LRCH1: variants seen among roughly 807,000 people sequenced by gnomAD.
The protein encoded by LRCH1 is leucine rich repeats and calponin homology domain containing 1.
Under a neutral mutation model 94.9 loss-of-function variants are expected in LRCH1, and 23 were observed. The observed-to-expected ratio is 0.24, with a 90% CI of 0.17 to 0.34. The LOEUF (loss-of-function observed/expected upper bound fraction) is 0.34, where lower values mean the gene tolerates loss of function less well. Among genes scored for constraint, LRCH1 ranks in the 10% least tolerant of loss-of-function variants. The probability of loss-of-function intolerance (pLI) is 1.00; values close to 1 mark genes in which losing one functional copy is unlikely to be tolerated. For missense variants in LRCH1, 790 were observed against 945.9 expected (o/e 0.84, Z 2.16); for synonymous variants, 364 against 354.9 (o/e 1.03, Z -0.29).
intron 10 of LRCH1, among the ~76,000 whole-genome samples, chr13:46,699,993 A>G (rs912479812): frequency 6.6e-6 from 1 of 152,202 alleles, no homozygotes; most frequent in African/African-American, 2.4e-5. Flanking sequence ...TCTTGCCGCA[A>G]GGTCACAGAG....
At chr13:46,596,614 T>A (rs2050566220) in intron 1 of LRCH1, among the ~76,000 whole-genome samples, 1 of 152,204 alleles carries the variant, frequency 6.6e-6, no homozygotes, top group Non-Finnish European at 1.5e-5. Flanking sequence ...GTCAGTGAAT[T>A]CTAACTTGAA....
chr13:46,688,432 T>C (rs1476316132), intron 6 of LRCH1, among the ~76,000 whole-genome samples: 1 of 152,198 alleles, frequency 6.6e-6, no homozygotes, highest in Non-Finnish European at 1.5e-5. Context: ...AAAAATGCAG[T>C]ATGTGTAGTT....
chr13:46,686,161 A>C, intron 5 of LRCH1, 120 bp downstream of exon 5: 1 of 1,044,950 alleles, frequency 9.6e-7, no homozygotes, highest in African/African-American at 1.6e-5. Flanking sequence ...GGCAAGCGGC[A>C]GATTAATTGG....
chr13:46,640,129 T>C (rs2051140673), intron 1 of LRCH1, among the ~76,000 whole-genome samples: 1 of 152,238 alleles, frequency 6.6e-6, no homozygotes, highest in Non-Finnish European at 1.5e-5. Flanking sequence ...TGACTACTAA[T>C]TTAGTGGAAA....
chr13:46,603,803 C>T (rs1201120120), intron 1 of LRCH1, among the ~76,000 whole-genome samples: 4 of 152,014 alleles, frequency 2.6e-5, no homozygotes, highest in South Asian at 2.1e-4. Flanking sequence ...ACTATAGGCT[C>T]GTGCCACCAT....
At chr13:46,712,942 G>A (rs1008844239) in intron 15 of LRCH1, among the ~76,000 whole-genome samples, 3 of 152,114 alleles carry the variant, frequency 2.0e-5, no homozygotes, top group Non-Finnish European at 2.9e-5. Context: ...CTGAGTTAAG[G>A]GGCAGCCTGC....
chr13:46,617,533 C>T (rs913367513), intron 1 of LRCH1, among the ~76,000 whole-genome samples: 5 of 152,202 alleles, frequency 3.3e-5, no homozygotes, highest in African/African-American at 1.2e-4. Flanking sequence ...CTAAGACACC[C>T]GGCCCCTGCC....
intron 19 of LRCH1, 37 bp from the exon 20 acceptor site, chr13:46,741,605 C>T (rs781742472): frequency 1.2e-6 from 2 of 1,612,914 alleles, no homozygotes; most frequent in Non-Finnish European, 1.7e-6. Flanking sequence ...ATTGTATGCA[C>T]TGTCTCTTTC....
At chr13:46,640,299 T>C (rs1252445418) in intron 1 of LRCH1, among the ~76,000 whole-genome samples, 2 of 152,246 alleles carry the variant, frequency 1.3e-5, no homozygotes, top group Admixed American at 6.5e-5. Context: ...AAGGGCTTTA[T>C]ATGTATCATC....
intron 5 of LRCH1, 100 bp downstream of exon 5, chr13:46,686,141 A>G: frequency 1.7e-6 from 2 of 1,211,690 alleles, no homozygotes; most frequent in Admixed American, 3.1e-5. Context: ...GCTGAAAATC[A>G]CTAATCACTG....
chr13:46,625,631 GGT>G (rs1491438587), intron 1 of LRCH1, among the ~76,000 whole-genome samples: 3 of 126,260 alleles, frequency 2.4e-5, no homozygotes, highest in Non-Finnish European at 3.3e-5. Flanking sequence ...AAATGTGTGG[GGT>G]TTTTTTTTTT....
chr13:46,680,199 T>C (rs2051732928), intron 3 of LRCH1: 1 of 152,280 alleles, frequency 6.6e-6, no homozygotes, highest in Non-Finnish European at 1.5e-5. Flanking sequence ...TGGAGCATCC[T>C]GGGTCCTAGG....
chr13:46,704,906 C>G (rs1871670436), intron 11 of LRCH1, among the ~76,000 whole-genome samples, 162 bp from the exon 12 acceptor site: 1 of 151,976 alleles, frequency 6.6e-6, no homozygotes, highest in Non-Finnish European at 1.5e-5. Context: ...TGGGAAAATA[C>G]CATGCACTTT....
intron 10 of LRCH1, among the ~76,000 whole-genome samples, chr13:46,700,311 A>C (rs1443535847): frequency 6.6e-6 from 1 of 152,164 alleles, no homozygotes; most frequent in Non-Finnish European, 1.5e-5. Context: ...ATTGGCTTAC[A>C]TTCTATGGTG....
At chr13:46,584,157 G>C (rs2050405069) in intron 1 of LRCH1, among the ~76,000 whole-genome samples, 1 of 152,150 alleles carries the variant, frequency 6.6e-6, no homozygotes. Context: ...TTCAATTATA[G>C]TCCGTTCAAT....
At chr13:46,717,585 C>T (rs1330294008) in intron 16 of LRCH1, 1 of 152,094 alleles carries the variant, frequency 6.6e-6, no homozygotes, top group Admixed American at 6.5e-5. Flanking sequence ...TATCTTCATT[C>T]TCTTTGTTCT....
At chr13:46,730,871 G>A (rs1873067351) in intron 18 of LRCH1, among the ~76,000 whole-genome samples, 1 of 152,084 alleles carries the variant, frequency 6.6e-6, no homozygotes, top group African/African-American at 2.4e-5. Context: ...GACGTAAGAG[G>A]ACATCATGAA....
chr13:46,697,452 A>G (rs937730228), intron 9 of LRCH1, among the ~76,000 whole-genome samples: 2 of 152,216 alleles, frequency 1.3e-5, no homozygotes, highest in Non-Finnish European at 2.9e-5. Flanking sequence ...TAACACACGT[A>G]TTGTCCTCTG....
At chr13:46,583,729 A>G (rs2050398504) in intron 1 of LRCH1, among the ~76,000 whole-genome samples, 1 of 151,194 alleles carries the variant, frequency 6.6e-6, no homozygotes, top group South Asian at 2.1e-4. Context: ...TTGTGTTTAT[A>G]TTATTTGCTC....
Sources: gnomAD v4.1 joint callset for allele counts (sites outside exome capture counted in the v4.1 genomes callset) on GRCh38, gnomAD v4.1.1 for gene constraint, MANE v1.5 for transcripts, NCBI Gene and HGNC (gene_info 2026-07-23, HGNC 2026-07-21) for gene names.